The following JAK3 variants were observed in gnomAD, a reference collection of about 807,000 sequenced individuals.
The protein encoded by JAK3 is tyrosine-protein kinase JAK3.
JAK3 carries 88 observed loss-of-function variants against 120.8 expected under a neutral mutation model. That is an observed-to-expected ratio of 0.73 (90% CI 0.61 to 0.87). The LOEUF (loss-of-function observed/expected upper bound fraction) is 0.87, where lower values mean the gene tolerates loss of function less well. JAK3 is among the 40% of genes least tolerant of loss of function. The pLI is 0.00. For synonymous variants in JAK3, 592 were observed against 628.6 expected, an observed-to-expected ratio of 0.94 and a Z score of 0.87; for missense variants, 1,254 against 1,501.4, an observed-to-expected ratio of 0.84 and a Z score of 2.72.
chr19:17,846,423 G>A lies in JAK3; in HGVS notation c.-14+1523C>T, dbSNP rs79353108. ...AAAGGGACACTTTGATGTCACCGAT[G>A]CCCAGACCAAGAATGAGCACATTCC... is the stretch of plus-strand genomic sequence containing the variant. On this transcript the variant is annotated intron_variant, in intron 1 of 23. Transcript: ENST00000458235. Among the ~76,000 whole-genome samples, 1,198 of 152,290 alleles carry A rather than the reference G, an allele frequency of 7.9e-3. 10 individuals are homozygous for A. The highest frequency in any genetic ancestry group is 0.028 in the African/African-American group (1,145 of 41,570).
intron 10 of JAK3, 115 bp downstream of exon 10, chr19:17,839,362 C>T: frequency 1.0e-6 from 1 of 986,234 alleles, no homozygotes; most frequent in Non-Finnish European, 1.6e-6. Context: ...CTTTTCTTCC[C>T]TAACCCACCT....
intron 9 of JAK3, 95 bp from the exon 10 acceptor site, chr19:17,839,758 G>A: frequency 1.8e-6 from 1 of 556,454 alleles, no homozygotes; most frequent in South Asian, 3.4e-5. Flanking sequence ...TTTTTTTTTT[G>A]GAGACGGAGT....
intron 23 of JAK3, among the ~76,000 whole-genome samples, chr19:17,827,678 G>A (rs995920646): frequency 3.3e-5 from 4 of 122,396 alleles, no homozygotes; most frequent in East Asian, 2.5e-4. Context: ...TTCTCCTTTC[G>A]AGACTACCCT....
intron 14 of JAK3, 29 bp downstream of exon 14, chr19:17,835,895 G>C: frequency 1.2e-6 from 2 of 1,612,986 alleles, no homozygotes; most frequent in South Asian, 2.2e-5. Flanking sequence ...CCTGGGAATG[G>C]AGGGTGGAGC....
In JAK3 at chr19:17,842,283, T is replaced by C. The variant is rs750738435; in HGVS notation, c.861+33A>G. On this transcript the variant is annotated intron_variant, in intron 6 of 23. Coordinates refer to ENST00000458235, the MANE Select transcript of JAK3 (RefSeq NM_000215.4). This position sits in a 1 kb window ranked among gnomAD's most constrained non-coding sequence, Gnocchi z 6.4. ...CCCCTCCCCGAGCCCCGCCCCCACG[T>C]TGGCCCCGCCCAGCGGGGGAGTCCG... The C allele has an allele frequency of 1.4e-5, 15 of 1,056,018 alleles. No homozygotes were observed. In the Admixed American group the frequency reaches 2.8e-4, roughly 20 times the overall value. 65.4% of individuals were successfully genotyped at this position (1,056,018 alleles called of 1,614,324 possible).
In JAK3 at chr19:17,839,556, C is replaced by G; in HGVS notation, c.1362G>C (p.Leu454=). ...SRPHSSLREL[L]ATCWDGGLHV... ...GCAGCCCCCCATCCCAGCAGGTTGC[C>G]AGGAGCTCTCGAAGACTGCTGTGGG... is the stretch of plus-strand genomic sequence containing the variant. The change falls in exon 10 of 24, where the codon CTG becomes CTC. Residue 454 remains leucine, a synonymous_variant. Transcript: ENST00000458235. 6.2e-7 allele frequency: 1 copy of G among 1,608,594 alleles called. No individual in the cohort carries two copies. The highest frequency in any genetic ancestry group is 1.1e-5 in the South Asian group (1 of 89,638).
At chr19:17,847,730 A>G (rs578077070) in intron 1 of JAK3, among the ~76,000 whole-genome samples, 2 of 147,302 alleles carry the variant, frequency 1.4e-5, no homozygotes, top group African/African-American at 2.5e-5. Flanking sequence ...TCCGCAAGGC[A>G]GGCATCTCCC....
chr19:17,838,843 G>A (rs1355250404), intron 10 of JAK3, among the ~76,000 whole-genome samples: 1 of 150,528 alleles, frequency 6.6e-6, no homozygotes, highest in Admixed American at 6.7e-5. Flanking sequence ...AGCCTCCCAA[G>A]TAGCTGGGAC....
At chr19:17,835,446 T>C (rs1301448862) in intron 14 of JAK3, among the ~76,000 whole-genome samples, 2 of 152,116 alleles carry the variant, frequency 1.3e-5, no homozygotes, top group South Asian at 2.1e-4. Flanking sequence ...CCCAGTGCCT[T>C]TGACACAAAG....
chr19:17,840,179 C>G, intron 9 of JAK3, 51 bp downstream of exon 9: 1 of 1,237,462 alleles, frequency 8.1e-7, no homozygotes, highest in Non-Finnish European at 1.2e-6. Context: ...TCAATTCAAA[C>G]GTCACCTCCT....
chr19:17,825,136 G>T lies in JAK3; in HGVS notation c.*1607C>A, dbSNP rs2094201806. The T allele has an allele frequency of 4.4e-6, 1 of 229,508 alleles. No individual in the cohort carries two copies. Among genetic ancestry groups the T allele is most frequent in the Admixed American group, 5.7e-5 (1 of 17,632 alleles). 14.2% of individuals were successfully genotyped at this position (229,508 alleles called of 1,614,324 possible). ...GAAAGTTGACCCTGCACAGCCAAGGGGTAAGCTCTGACCATTTTGCAGGGG... is the reference window on the plus strand; with the variant it reads ...GAAAGTTGACCCTGCACAGCCAAGGTGTAAGCTCTGACCATTTTGCAGGGG... On this transcript the variant is annotated 3_prime_UTR_variant, in exon 24 of 24. Transcript: ENST00000458235.
chr19:17,844,041 CTCCGTCTGCACAGGCCAT>C lies in JAK3; in HGVS notation c.185-159_185-142del, dbSNP rs368724454. 2,883 of 1,239,428 alleles carry C rather than the reference CTCCGTCTGCACAGGCCAT, an allele frequency of 2.3e-3. 21 individuals are homozygous for C. The highest frequency in any genetic ancestry group is 0.015 in the African/African-American group (1,031 of 67,208). 76.8% of individuals were successfully genotyped at this position (1,239,428 alleles called of 1,614,324 possible). A position where few individuals can be genotyped will look rare whatever the true frequency, so the allele number is the denominator to read the frequency against. On this transcript the variant is annotated intron_variant, in intron 2 of 23. Coordinates refer to ENST00000458235, the MANE Select transcript of JAK3 (RefSeq NM_000215.4). Reference sequence around the variant, plus strand: ...GTTCCCTTCATGTGCCGTCACACCTCTCCGTCTGCACAGGCCATTCCCTCTGCCTCAGAAGCCAACCCT... The same window carrying C: ...GTTCCCTTCATGTGCCGTCACACCTCTCCCTCTGCCTCAGAAGCCAACCCT...
rs778908329 is a variant in JAK3 at position 17,842,382 on chromosome 19, G to T, written c.795C>A (p.His265Gln). 5 of 1,586,086 alleles carry T rather than the reference G, an allele frequency of 3.2e-6. No individual in the cohort carries two copies. Among genetic ancestry groups the T allele is most frequent in the Non-Finnish European group, 4.3e-6 (5 of 1,170,036 alleles). The change falls in exon 6 of 24, where the codon CAC becomes CAA. Residue 265 changes from histidine to glutamine, a missense_variant. This residue lies in a region of JAK3 where 486 missense variants were observed against 503.0 expected (regional missense o/e 0.97). Transcript: ENST00000458235. The surrounding 1 kb of genome is among the most constrained non-coding windows in gnomAD (Gnocchi z 6.4). ...HVGLPGALGG[H>Q]DGLGLLRVAG... ...CCACGCGGAGCAGCCCCAGCCCGTC[G>T]TGGCCACCAAGGGCCCCAGGGAGGC...
rs551049932 is a variant in JAK3 at position 17,835,203 on chromosome 19, G to T, written c.1927C>A (p.Leu643Met). ...YALNYLEDKG[L>M]PHGNVSARKV... ...CGGGCAGAGACATTGCCATGGGGCA[G>T]GCCTTTGTCCTCCTAAGGGGGCCAG... The change falls in exon 15 of 24, where the codon CTG becomes ATG. Residue 643 changes from leucine (L) to methionine (M), a missense_variant. Coordinates refer to ENST00000458235, the MANE Select transcript of JAK3 (RefSeq NM_000215.4). The T allele has an allele frequency of 6.2e-7, 1 of 1,614,076 alleles. No individual in the cohort carries two copies. Among genetic ancestry groups the T allele is most frequent in the East Asian group, 2.2e-5 (1 of 44,886 alleles).
chr19:17,840,198 C>T (rs2147692594), intron 9 of JAK3, 32 bp downstream of exon 9: 1 of 1,438,616 alleles, frequency 7.0e-7, no homozygotes, highest in Non-Finnish European at 9.8e-7. Flanking sequence ...CTCCAGGCAG[C>T]CCTCCACTAC....
chr19:17,828,992 A>T (rs1485397318), intron 23 of JAK3, among the ~76,000 whole-genome samples: 1 of 151,338 alleles, frequency 6.6e-6, no homozygotes, highest in Non-Finnish European at 1.5e-5. Context: ...CCATCTCTTT[A>T]AAAAAATTTT....
rs1490157401 is a variant in JAK3, at chr19:17,842,996, G to A, written c.566+31C>T. On this transcript the variant is annotated intron_variant, in intron 5 of 23. Coordinates refer to ENST00000458235, the MANE Select transcript of JAK3 (RefSeq NM_000215.4). The surrounding 1 kb of genome is among the most constrained non-coding windows in gnomAD (Gnocchi z 6.4). ...AGCCCACGTTGCTCACTCCCAAGCAGAGGCCGTCCCCACAGCCTGGTGGCT... is the reference window on the plus strand; with the variant it reads ...AGCCCACGTTGCTCACTCCCAAGCAAAGGCCGTCCCCACAGCCTGGTGGCT... The A allele has an allele frequency of 1.2e-6, 2 of 1,607,682 alleles. No individual in the cohort carries two copies. Among genetic ancestry groups the A allele is most frequent in the African/African-American group, 2.7e-5 (2 of 74,900 alleles).
intron 8 of JAK3, 114 bp from the exon 9 acceptor site, chr19:17,840,455 CT>C: frequency 1.4e-6 from 1 of 730,824 alleles, no homozygotes. Context: ...AGGTGACACC[CT>C]CCCCCCATTT....
At chr19:17,833,379 G>C (rs2094217938) in intron 17 of JAK3, among the ~76,000 whole-genome samples, 1 of 152,038 alleles carries the variant, frequency 6.6e-6, no homozygotes, top group African/African-American at 2.4e-5. Flanking sequence ...CTAAGTGAGA[G>C]GTTCCTGTGG....
Sources: gnomAD v4.1 joint callset for allele counts (sites outside exome capture counted in the v4.1 genomes callset) on GRCh38, gnomAD v4.1.1 for gene constraint, gnomAD v4.1.1 regional missense constraint, Gnocchi (gnomAD v3.1) non-coding constraint, MANE v1.5 for transcripts, NCBI Gene and HGNC (gene_info 2026-07-23, HGNC 2026-07-21) for gene names.